FAF1: variants seen among roughly 807,000 people sequenced by gnomAD.
FAF1 encodes Fas associated factor 1.
FAF1 carries 25 observed loss-of-function variants against 92.5 expected under a neutral mutation model. The ratio of observed to expected loss-of-function variants is 0.27; its 90% CI spans 0.20 to 0.38. The LOEUF (loss-of-function observed/expected upper bound fraction) is 0.38. Among genes scored for constraint, FAF1 ranks in the 10% least tolerant of loss-of-function variants. The pLI is 1.00. For synonymous variants in FAF1, 234 were observed against 273.2 expected (o/e 0.86, Z 1.42); for missense variants, 636 against 793.3 (o/e 0.80, Z 2.38).
At chr1:50,802,280 G>A (rs1662023690) in intron 2 of FAF1, among the ~76,000 whole-genome samples, 1 of 152,100 alleles carries the variant, frequency 6.6e-6, no homozygotes, top group South Asian at 2.1e-4. Flanking sequence ...AGTAGAGACA[G>A]GGTTTCTCCA....
chr1:50,535,422 T>C lies in FAF1; in HGVS notation c.1441A>G (p.Met481Val), dbSNP rs202042404. 100 of 1,612,304 alleles carry C rather than the reference T, an allele frequency of 6.2e-5. No individual in the cohort carries two copies. Among genetic ancestry groups the C allele is most frequent in the Non-Finnish European group, 8.1e-5 (95 of 1,178,920 alleles). The change falls in exon 15 of 19, where the codon ATG (methionine) becomes GTG (valine). Residue 481 changes from methionine to valine, a missense_variant. Met to Val is a conservative substitution (Grantham distance 21). Around this residue, in one of 2 missense-constraint regions of FAF1, gnomAD observed 319 missense variants for 451.0 expected, o/e 0.71. Coordinates refer to ENST00000396153, the MANE Select transcript of FAF1 (RefSeq NM_007051.3). ...GCTGTGAAGATCTCCATTGCAGCCA[T>C]GAGTCTCATCATTAACTCATCTACT... The part of the protein sequence containing the change: ...TTVDELMMRL[M>V]AAMEIFTAQQ...
At chr1:50,883,468 GA>G (rs1169685622) in intron 1 of FAF1, among the ~76,000 whole-genome samples, 2 of 152,172 alleles carry the variant, frequency 1.3e-5, no homozygotes, top group African/African-American at 4.8e-5. Flanking sequence ...TATCACTCAT[GA>G]AGCAAAGTCT....
intron 9 of FAF1, among the ~76,000 whole-genome samples, chr1:50,586,411 A>T (rs1439919855): frequency 6.6e-6 from 1 of 152,156 alleles, no homozygotes; most frequent in Non-Finnish European, 1.5e-5. Flanking sequence ...GAGAAAGTCA[A>T]GATGTTTCTC....
intron 1 of FAF1, among the ~76,000 whole-genome samples, chr1:50,921,560 G>A (rs984531660): frequency 1.1e-4 from 16 of 151,748 alleles, no homozygotes; most frequent in African/African-American, 2.9e-4. Context: ...CCAGGAGTTC[G>A]AGACCAGCCT....
intron 13 of FAF1, among the ~76,000 whole-genome samples, chr1:50,552,003 G>A (rs1328709388): frequency 6.6e-6 from 1 of 152,032 alleles, no homozygotes; most frequent in Admixed American, 6.6e-5. Context: ...TTCATGGTAC[G>A]AAAACTGCAG....
At chr1:50,449,303 G>T (rs1406603028) in intron 18 of FAF1, among the ~76,000 whole-genome samples, 1 of 152,086 alleles carries the variant, frequency 6.6e-6, no homozygotes, top group East Asian at 1.9e-4. Flanking sequence ...CGTACAACCA[G>T]AAATTGTCGG....
chr1:50,505,677 T>C (rs1035586147), intron 15 of FAF1, among the ~76,000 whole-genome samples: 2 of 152,242 alleles, frequency 1.3e-5, no homozygotes, highest in African/African-American at 4.8e-5. Context: ...CATTTGCATA[T>C]TGTTTATGGC....
intron 9 of FAF1, among the ~76,000 whole-genome samples, 178 bp downstream of exon 9, chr1:50,595,943 G>C (rs1342896642): frequency 6.6e-6 from 1 of 152,122 alleles, no homozygotes; most frequent in Non-Finnish European, 1.5e-5. Context: ...GAGCGAGAAG[G>C]AGCACATTAG....
intron 1 of FAF1, among the ~76,000 whole-genome samples, chr1:50,908,342 T>C (rs1347446477): frequency 1.3e-5 from 2 of 152,244 alleles, no homozygotes; most frequent in African/African-American, 4.8e-5. Flanking sequence ...GAAGAATGTA[T>C]ATTCTGCTGA....
At chr1:50,531,234 T>C (rs1160950533) in intron 15 of FAF1, among the ~76,000 whole-genome samples, 1 of 152,172 alleles carries the variant, frequency 6.6e-6, no homozygotes, top group Non-Finnish European at 1.5e-5. Context: ...TTGTGATAAT[T>C]ACCGAGCTAT....
chr1:50,700,858 A>AG (rs1215099991), intron 7 of FAF1, among the ~76,000 whole-genome samples: 2 of 152,138 alleles, frequency 1.3e-5, no homozygotes, highest in African/African-American at 2.4e-5. Context: ...AGTTCCAGAG[A>AG]GGGGAAAAGA....
intron 4 of FAF1, among the ~76,000 whole-genome samples, chr1:50,786,139 A>C (rs1027579407): frequency 1.3e-5 from 2 of 152,084 alleles, no homozygotes; most frequent in African/African-American, 4.8e-5. Context: ...CTCAAAAAAA[A>C]AAAAAAATCA....
intron 2 of FAF1, among the ~76,000 whole-genome samples, chr1:50,806,978 A>T (rs1662231054): frequency 6.6e-6 from 1 of 152,228 alleles, no homozygotes; most frequent in African/African-American, 2.4e-5. Context: ...CAACTCAAAA[A>T]AGCACAGTGT....
chr1:50,950,084 C>T (rs750098172), intron 1 of FAF1, among the ~76,000 whole-genome samples: 3 of 152,240 alleles, frequency 2.0e-5, no homozygotes, highest in African/African-American at 7.2e-5. Context: ...CAAGTGATCC[C>T]GTGCCTCTTC....
chr1:50,817,664 T>TA (rs971618605), intron 2 of FAF1, among the ~76,000 whole-genome samples: 2 of 152,134 alleles, frequency 1.3e-5, no homozygotes, highest in Non-Finnish European at 2.9e-5. Context: ...TTTGTCACAA[T>TA]AAAAAAGATT....
chr1:50,764,151 A>C (rs941613834), intron 4 of FAF1, among the ~76,000 whole-genome samples: 1 of 152,120 alleles, frequency 6.6e-6, no homozygotes, highest in African/African-American at 2.4e-5. Flanking sequence ...AGTCTTATTT[A>C]TGTTAATATG....
intron 7 of FAF1, among the ~76,000 whole-genome samples, chr1:50,705,126 G>GT (rs1249394984): frequency 2.6e-5 from 4 of 152,142 alleles, no homozygotes; most frequent in African/African-American, 9.7e-5. Context: ...AGCCTTAAAT[G>GT]TTCCCCCCAC....
At chr1:50,639,933 C>CAAAAAAAAAAAAAAAAAAAAAAAAA (rs1197342810) in intron 8 of FAF1, among the ~76,000 whole-genome samples, 1 of 70,166 alleles carries the variant, frequency 1.4e-5, no homozygotes, top group African/African-American at 4.7e-5. Context: ...GACTCGATCT[C>CAAAAAAAAAAAAAAAAAAAAAAAAA]AAAAAAAAAA....
chr1:50,750,709 C>T (rs12076611), intron 4 of FAF1, among the ~76,000 whole-genome samples: 1 of 151,162 alleles, frequency 6.6e-6, no homozygotes, highest in Non-Finnish European at 1.5e-5. Flanking sequence ...CTGTAACCTC[C>T]ACCTCCTGGG....
Sources: gnomAD v4.1 joint callset for allele counts (sites outside exome capture counted in the v4.1 genomes callset) on GRCh38, gnomAD v4.1.1 for gene constraint, gnomAD v4.1.1 regional missense constraint, MANE v1.5 for transcripts, NCBI Gene and HGNC (gene_info 2026-07-23, HGNC 2026-07-21) for gene names.